SPDYE5: variants seen among roughly 807,000 people sequenced by gnomAD.
SPDYE5 encodes the protein speedy protein E5.
A neutral mutation model predicts 48.5 loss-of-function variants in SPDYE5; 15 were observed. The observed-to-expected ratio is 0.31, with a 90% CI of 0.21 to 0.48. SPDYE5 has a LOEUF of 0.48. SPDYE5 is among the 20% of genes least tolerant of loss of function. SPDYE5 has a pLI of 0.99. For missense variants in SPDYE5, 331 were observed against 549.1 expected (o/e 0.60, Z 3.97); for synonymous variants, 116 against 200.7 (o/e 0.58, Z 3.57).
At chr7:75,494,485 T>G (rs1472219420) in intron 2 of SPDYE5, among the ~76,000 whole-genome samples, 11 of 148,752 alleles carry the variant, frequency 7.4e-5, no homozygotes, top group African/African-American at 2.7e-4. Flanking sequence ...AGGAAGAGGT[T>G]GCAGTGAGCT....
rs781957660 is a variant in SPDYE5 at position 75,501,644 on chromosome 7, C to G, written c.1038C>G (p.Asn346Lys). 1.3e-5 allele frequency: 21 copies of G among 1,613,618 alleles called. No individual in the cohort carries two copies. Among genetic ancestry groups the G allele is most frequent in the Admixed American group, 1.7e-5 (1 of 60,002 alleles). ...KRRFQLGRSM[N>K]LRARKNRSQI... ...GGTTCCAGTTAGGCCGTTCCATGAA[C>G]CTGAGGGCCAGGAAGAACCGCTCTC... is the stretch of plus-strand genomic sequence containing the variant. Residue 346 changes from asparagine (N) to lysine (K), a missense_variant, in exon 7 of 9, where the codon AAC (asparagine) becomes AAG (lysine). Transcript: ENST00000625065.
intron 3 of SPDYE5, among the ~76,000 whole-genome samples, chr7:75,495,920 C>T (rs1554482455): frequency 6.6e-6 from 1 of 151,224 alleles, no homozygotes; most frequent in Non-Finnish European, 1.5e-5. Context: ...ATCCCAGCTA[C>T]TCGGGAGGCT....
At chr7:75,495,892 T>C (rs1792905840) in intron 3 of SPDYE5, among the ~76,000 whole-genome samples, 1 of 151,518 alleles carries the variant, frequency 6.6e-6, no homozygotes, top group African/African-American at 2.4e-5. Flanking sequence ...ATACAAAAAT[T>C]AGCCAGGCAT....
rs2116634264 is a variant in SPDYE5 at position 75,504,269 on chromosome 7, G to T, written c.*1482G>T. ...AGAGAACAATAGAGTGCGTCTCTTG[G>T]GGAAACATAATAAAAATGAACTTTT... On this transcript the variant is annotated 3_prime_UTR_variant, in exon 9 of 9. Coordinates refer to ENST00000625065, the MANE Select transcript of SPDYE5 (RefSeq NM_001306141.4). 1 of 151,610 alleles carries T rather than the reference G, an allele frequency of 6.6e-6. No homozygotes were observed. Among genetic ancestry groups the T allele is most frequent in the African/African-American group, 2.4e-5 (1 of 41,280 alleles). 9.4% of individuals were successfully genotyped at this position (151,610 alleles called of 1,614,324 possible). A position where few individuals can be genotyped will look rare whatever the true frequency, so the allele number is the denominator to read the frequency against.
chr7:75,492,185 T>G (rs1259178891), upstream of SPDYE5, among the ~76,000 whole-genome samples: 2 of 152,092 alleles, frequency 1.3e-5, no homozygotes, highest in African/African-American at 4.8e-5. Flanking sequence ...GTCAGAACAT[T>G]GATCTTCTAA....
rs1420587083 is a variant in SPDYE5 at position 75,503,639 on chromosome 7, GGTTT to G, written c.*855_*858del. Reference sequence around the variant, plus strand: ...GATAGAAATTTTTATTTGCTGTTTAGGTTTGTGACTGAATTGTGAGAATTCAGTT... The same window carrying G: ...GATAGAAATTTTTATTTGCTGTTTAGGTGACTGAATTGTGAGAATTCAGTT... On this transcript the variant is annotated 3_prime_UTR_variant, in exon 9 of 9. Transcript: ENST00000625065. 6.6e-6 allele frequency: 1 copy of G among 150,802 alleles called. No individual in the cohort carries two copies. Among genetic ancestry groups the G allele is most frequent in the African/African-American group, 2.4e-5 (1 of 41,270 alleles). The allele number at this position is 150,802 out of a possible 1,614,324, so 9.3% of individuals were successfully genotyped here.
chr7:75,501,059 C>T (rs1390700233), intron 6 of SPDYE5, among the ~76,000 whole-genome samples: 15 of 152,230 alleles, frequency 9.9e-5, no homozygotes, highest in South Asian at 4.2e-4. Context: ...TGCCCAGGCC[C>T]GTCTCAAACT....
chr7:75,492,052 T>G (rs1424040564), upstream of SPDYE5, among the ~76,000 whole-genome samples: 1 of 152,076 alleles, frequency 6.6e-6, no homozygotes, highest in African/African-American at 2.4e-5. Context: ...TCATTTACGA[T>G]GGGCATGGCC....
In SPDYE5 at chr7:75,493,728, G is replaced by T; in HGVS notation, c.-320G>T. The stretch of plus-strand genomic sequence containing the variant: ...CCTCTGCTGGGACAGGGAACAGAGG[G>T]ATGTGGAGTCCCTGAAGATGCTTTT... On this transcript the variant is annotated 5_prime_UTR_variant, in exon 2 of 9. Transcript: ENST00000625065. 7.1e-7 allele frequency: 1 copy of T among 1,415,914 alleles called. No homozygotes were observed. The highest frequency in any genetic ancestry group is 9.2e-7 in the Non-Finnish European group (1 of 1,090,020). 87.7% of individuals were successfully genotyped at this position (1,415,914 alleles called of 1,614,324 possible).
chr7:75,495,565 G>A (rs1554482412), intron 3 of SPDYE5, among the ~76,000 whole-genome samples, 191 bp downstream of exon 3: 1 of 152,264 alleles, frequency 6.6e-6, no homozygotes, highest in East Asian at 1.9e-4. Context: ...CTTGATAAAG[G>A]TTGGCGCTTG....
chr7:75,502,725 T>C lies in SPDYE5; in HGVS notation c.*46-108T>C, dbSNP rs1211949471. 7.0e-6 allele frequency: 8 copies of C among 1,139,188 alleles called. No individual in the cohort carries two copies. The African/African-American group carries it at 1.0e-4, about 15-fold the overall frequency. The allele number at this position is 1,139,188 out of a possible 1,614,324, so 70.6% of individuals were successfully genotyped here. On this transcript the variant is annotated intron_variant, in intron 8 of 8. Coordinates refer to ENST00000625065, the MANE Select transcript of SPDYE5 (RefSeq NM_001306141.4). ...ATAGAATGAAAGGCAGCAGATAAAA[T>C]TGCATTTCTCAATTGCTCTGAACTC... is the stretch of plus-strand genomic sequence containing the variant.
chr7:75,495,815 G>T (rs1257661351), intron 3 of SPDYE5, among the ~76,000 whole-genome samples: 1 of 152,030 alleles, frequency 6.6e-6, no homozygotes, highest in Admixed American at 6.6e-5. Context: ...TAAGATGGGT[G>T]GATCACTTGA....
At position 75,494,086 on chromosome 7, in the gene SPDYE5, G is replaced by A; in HGVS notation, c.39G>A (p.Gln13=). 6.5e-7 allele frequency: 1 copy of A among 1,534,756 alleles called. No individual in the cohort carries two copies. Among genetic ancestry groups the A allele is most frequent in the Non-Finnish European group, 8.7e-7 (1 of 1,146,704 alleles). ...AGACTAGGTTCCGTAAGAGGGGACA[G>A]ATTACGGAAAAGATCACGACCAGCC... The part of the protein sequence containing the change: ...RTETRFRKRG[Q]ITEKITTSRQ... The change falls in exon 2 of 9, where the codon CAG becomes CAA. Residue 13 remains glutamine, a synonymous_variant. Transcript: ENST00000625065.
intron 3 of SPDYE5, among the ~76,000 whole-genome samples, chr7:75,495,905 CT>C (rs1792906736): frequency 6.6e-6 from 1 of 151,722 alleles, no homozygotes; most frequent in African/African-American, 2.4e-5. Context: ...CCAGGCATGC[CT>C]GTTATCCCAG....
chr7:75,499,862 C>T (rs1793080611), intron 6 of SPDYE5, among the ~76,000 whole-genome samples: 1 of 137,254 alleles, frequency 7.3e-6, no homozygotes, highest in African/African-American at 2.7e-5. Context: ...ATAAACCGCT[C>T]CTAAGGGGAA....
intron 4 of SPDYE5, among the ~76,000 whole-genome samples, chr7:75,497,474 G>C (rs1218102433): frequency 6.6e-6 from 1 of 150,402 alleles, no homozygotes; most frequent in Non-Finnish European, 1.5e-5. Flanking sequence ...ATCAAATAAA[G>C]AAAAACAAAA....
At chr7:75,492,835 G>T (rs1221368484) in intron 1 of SPDYE5, among the ~76,000 whole-genome samples, 1 of 151,996 alleles carries the variant, frequency 6.6e-6, no homozygotes, top group African/African-American at 2.4e-5. Context: ...TTGCTGTGTT[G>T]CCCAGACGGG....
At chr7:75,496,574 G>A (rs1451573753) in intron 3 of SPDYE5, 100 bp from the exon 4 acceptor site, 3 of 1,555,462 alleles carry the variant, frequency 1.9e-6, no homozygotes, top group Non-Finnish European at 2.6e-6. Context: ...CCAGCAGTCT[G>A]CGAGGCTGGG....
At chr7:75,501,129 G>A (rs1793134872) in intron 6 of SPDYE5, among the ~76,000 whole-genome samples, 1 of 152,186 alleles carries the variant, frequency 6.6e-6, no homozygotes, top group Non-Finnish European at 1.5e-5. Flanking sequence ...CCAGGCATAA[G>A]CCACCACTCT....
Sources: allele counts gnomAD v4.1 joint callset (sites outside exome capture counted in the v4.1 genomes callset), GRCh38; gene constraint gnomAD v4.1.1; transcripts MANE v1.5; gene names NCBI Gene and HGNC (gene_info 2026-07-23, HGNC 2026-07-21).